The following EPHA6 variants were observed in gnomAD, a reference collection of about 807,000 sequenced individuals.
The protein encoded by EPHA6 is ephrin type-A receptor 6.
In EPHA6, 50 loss-of-function variants were observed where a neutral mutation model predicts 112.0. That is an observed-to-expected ratio of 0.45 (90% CI 0.36 to 0.56). The LOEUF (loss-of-function observed/expected upper bound fraction) is 0.56, where lower values mean the gene tolerates loss of function less well. Among genes scored for constraint, EPHA6 ranks in the 20% least tolerant of loss-of-function variants. The pLI is 0.00. For missense variants in EPHA6, 1,280 were observed against 1,417.4 expected (o/e 0.90, Z 1.56); for synonymous variants, 529 against 490.7 (o/e 1.08, Z -1.03).
chr3:97,420,346 C>T (rs1448684058), intron 6 of EPHA6, among the ~76,000 whole-genome samples: 1 of 149,932 alleles, frequency 6.7e-6, no homozygotes, highest in Non-Finnish European at 1.5e-5. Flanking sequence ...AAACTAAAAA[C>T]TGGGAAGAAA....
In EPHA6 at chr3:97,166,380, A is replaced by T. The variant is rs185736311; in HGVS notation, c.1115-59884A>T. 8.0e-3 allele frequency among the ~76,000 whole-genome samples: 1,222 copies of T among 152,096 alleles called. 13 individuals are homozygous for T. The highest frequency in any genetic ancestry group is 0.028 in the African/African-American group (1,144 of 41,522). ...TGTACTTGTTTTTAAAAAAAAAAAAAAATAACAAACGTGTGTATAATGGCT... is the reference window on the plus strand; with the variant it reads ...TGTACTTGTTTTTAAAAAAAAAAAATAATAACAAACGTGTGTATAATGGCT... On this transcript the variant is annotated intron_variant, in intron 3 of 17. Coordinates refer to ENST00000389672, the MANE Select transcript of EPHA6 (RefSeq NM_001080448.3).
Position 97,140,937 on chromosome 3 carries a change from C to T in EPHA6, c.1115-85327C>T, listed in dbSNP as rs144719041. Among the ~76,000 whole-genome samples the T allele has an allele frequency of 2.0e-3, 311 of 152,028 alleles. 5 individuals carry two copies. The highest frequency in any genetic ancestry group is 0.017 in the Admixed American group (265 of 15,244). On this transcript the variant is annotated intron_variant, in intron 3 of 17. Transcript: ENST00000389672. ...CATTTGCTGCCTACAGGAGATCTAC[C>T]TAACAAGTAAGGACACCCACAAATT...
chr3:97,315,417 AATAAG>A (rs1349408202), intron 5 of EPHA6, among the ~76,000 whole-genome samples: 2 of 151,736 alleles, frequency 1.3e-5, no homozygotes, highest in African/African-American at 4.8e-5. Context: ...GCCCCTCCCT[AATAAG>A]ATGACTTTTA....
chr3:97,404,706 CT>C (rs1350589276), intron 5 of EPHA6, among the ~76,000 whole-genome samples: 2 of 152,004 alleles, frequency 1.3e-5, no homozygotes, highest in Non-Finnish European at 2.9e-5. Flanking sequence ...ATAATATAAA[CT>C]TTTTTGAAGC....
chr3:97,541,087 T>C (rs2092842288), intron 11 of EPHA6, among the ~76,000 whole-genome samples: 1 of 152,092 alleles, frequency 6.6e-6, no homozygotes, highest in Non-Finnish European at 1.5e-5. Context: ...TCTTCATCAC[T>C]GAAAATTTAA....
Position 97,091,226 on chromosome 3 carries a change from T to C in EPHA6, c.1114+103233T>C, listed in dbSNP as rs569177026. ...TTTTCCTTTGATGTTCTCTATATGA[T>C]ATGGAAAATTCCATAGTCTCAGAAG... On this transcript the variant is annotated intron_variant, in intron 3 of 17. Coordinates refer to ENST00000389672, the MANE Select transcript of EPHA6 (RefSeq NM_001080448.3). Among the ~76,000 whole-genome samples the C allele has an allele frequency of 6.8e-5, 10 of 147,740 alleles. No homozygotes were observed. The East Asian group carries it at 1.7e-3, about 26-fold the overall frequency.
chr3:97,578,370 T>C (rs990943227), intron 11 of EPHA6, among the ~76,000 whole-genome samples: 1 of 152,110 alleles, frequency 6.6e-6, no homozygotes, highest in Non-Finnish European at 1.5e-5. Context: ...GGGGCACATA[T>C]AGTCCCATTT....
chr3:97,137,232 A>G (rs1043561264), intron 3 of EPHA6, among the ~76,000 whole-genome samples: 1 of 152,142 alleles, frequency 6.6e-6, no homozygotes, highest in African/African-American at 2.4e-5. Context: ...CTCACTGCCT[A>G]TGGTATGTGT....
intron 5 of EPHA6, among the ~76,000 whole-genome samples, chr3:97,283,598 C>T (rs2080364032): frequency 6.6e-6 from 1 of 151,634 alleles, no homozygotes; most frequent in African/African-American, 2.4e-5. Context: ...CACACCGGAG[C>T]CTTTCAGGGG....
rs1052291310 is a variant in EPHA6 at position 97,751,771 on chromosome 3, C to G, written c.*3070C>G. Among the ~76,000 whole-genome samples the G allele has an allele frequency of 6.6e-6, 1 of 152,018 alleles. No homozygotes were observed. The highest frequency in any genetic ancestry group is 6.5e-5 in the Admixed American group (1 of 15,272). On this transcript the variant is annotated 3_prime_UTR_variant, in exon 18 of 18. Transcript: ENST00000389672. ...AAGTCTTCAGGAATAATCTTTGATA[C>G]CTAAAATATGCATATAGACTCACAT... is the stretch of plus-strand genomic sequence containing the variant.
At chr3:97,559,932 A>C (rs115772560) in intron 11 of EPHA6, among the ~76,000 whole-genome samples, 6,552 of 152,064 alleles carry the variant, frequency 0.043, 174 homozygotes, top group Non-Finnish European at 0.066. Context: ...AAATTTATTC[A>C]GAAAATGTAA....
At chr3:97,156,727 A>G (rs2076296848) in intron 3 of EPHA6, among the ~76,000 whole-genome samples, 1 of 152,150 alleles carries the variant, frequency 6.6e-6, no homozygotes, top group African/African-American at 2.4e-5. Context: ...TTACAATTTA[A>G]GAACATTGCT....
At chr3:96,994,732 TAGAGAGAGAG>T (rs71623564) in intron 3 of EPHA6, among the ~76,000 whole-genome samples, 19 of 82,218 alleles carry the variant, frequency 2.3e-4, no homozygotes, top group Non-Finnish European at 2.8e-4. Context: ...TATATATATA[TAGAGAGAGAG>T]AGAGAGAGAG....
intron 5 of EPHA6, among the ~76,000 whole-genome samples, chr3:97,376,242 G>A (rs1004818189): frequency 2.6e-5 from 4 of 152,122 alleles, no homozygotes; most frequent in Non-Finnish European, 5.9e-5. Flanking sequence ...GTTATCTCAT[G>A]ATAAATATAA....
intron 9 of EPHA6, among the ~76,000 whole-genome samples, chr3:97,483,511 A>G (rs554547447): frequency 9.8e-5 from 15 of 152,338 alleles, no homozygotes; most frequent in Non-Finnish European, 1.5e-4. Context: ...GCATGAGTTC[A>G]TGAAACCTAG....
chr3:97,069,981 T>C (rs770852268), intron 3 of EPHA6, among the ~76,000 whole-genome samples: 1 of 152,126 alleles, frequency 6.6e-6, no homozygotes, highest in Non-Finnish European at 1.5e-5. Flanking sequence ...AGCTGTGTGG[T>C]CTTGCTCTTC....
At position 97,155,575 on chromosome 3, in the gene EPHA6, C is replaced by T. The variant is rs145418194; in HGVS notation, c.1115-70689C>T. Among the ~76,000 whole-genome samples, 87 of 152,256 alleles carry T rather than the reference C, an allele frequency of 5.7e-4. 2 individuals are homozygous for T. Among genetic ancestry groups the T allele is most frequent in the Admixed American group, 4.1e-3 (62 of 15,286 alleles). On this transcript the variant is annotated intron_variant, in intron 3 of 17. Coordinates refer to ENST00000389672, the MANE Select transcript of EPHA6 (RefSeq NM_001080448.3). ...CCCAGATCCAGGTTGACTTGACTGA[C>T]ATCATTGTTCTGAGTTTTATAAGGC... is the stretch of plus-strand genomic sequence containing the variant.
At chr3:97,339,568 A>G (rs1398444923) in intron 5 of EPHA6, among the ~76,000 whole-genome samples, 3 of 152,158 alleles carry the variant, frequency 2.0e-5, no homozygotes, top group African/African-American at 7.2e-5. Context: ...TCCACTTACT[A>G]TTTTGATCAC....
chr3:97,683,841 G>A (rs1162497134), intron 14 of EPHA6, among the ~76,000 whole-genome samples: 1 of 152,174 alleles, frequency 6.6e-6, no homozygotes, highest in African/African-American at 2.4e-5. Context: ...TCCAGAGGAA[G>A]AAAAGGAATT....
Sources: allele counts gnomAD v4.1 joint callset (sites outside exome capture counted in the v4.1 genomes callset), GRCh38; gene constraint gnomAD v4.1.1; transcripts MANE v1.5; gene names NCBI Gene and HGNC (gene_info 2026-07-23, HGNC 2026-07-21).